CDH20: variants seen among roughly 807,000 people sequenced by gnomAD.
CDH20 encodes the protein cadherin-20.
CDH20 carries 29 observed loss-of-function variants against 74.2 expected under a neutral mutation model. That is an observed-to-expected ratio of 0.39 (90% CI 0.29 to 0.53). CDH20 has a LOEUF of 0.53. CDH20 is among the 20% of genes least tolerant of loss of function. The pLI, the probability that CDH20 is intolerant of heterozygous loss-of-function variation, is 0.69. For synonymous variants in CDH20, 469 were observed against 405.4 expected (o/e 1.16, Z -1.88); for missense variants, 988 against 1,048.3 (o/e 0.94, Z 0.79).
intron 1 of CDH20, among the ~76,000 whole-genome samples, chr18:61,472,419 A>C (rs1761580627): frequency 6.6e-6 from 1 of 152,048 alleles, no homozygotes; most frequent in South Asian, 2.1e-4. Context: ...TAATTTAAAG[A>C]CTAATCTGGA....
At chr18:61,490,861 T>G in intron 2 of CDH20, 62 bp downstream of exon 2, 4,432 of 1,221,572 alleles carry the variant, frequency 3.6e-3, no homozygotes, top group Non-Finnish European at 4.8e-3. Flanking sequence ...ATGAATTGAG[T>G]ATCAAAGTTG....
chr18:61,377,735 T>C (rs1911289507), intron 1 of CDH20, among the ~76,000 whole-genome samples: 1 of 152,062 alleles, frequency 6.6e-6, no homozygotes, highest in South Asian at 2.1e-4. Context: ...CATTCTATCA[T>C]GGGTTTCTTA....
intron 1 of CDH20, among the ~76,000 whole-genome samples, chr18:61,470,586 A>G (rs932660284): frequency 1.1e-4 from 16 of 152,098 alleles, no homozygotes; most frequent in Non-Finnish European, 2.1e-4. Flanking sequence ...TAACGGGAAA[A>G]AGAGACAAGA....
chr18:61,385,837 GGA>G (rs1911579578), intron 1 of CDH20, among the ~76,000 whole-genome samples: 1 of 151,736 alleles, frequency 6.6e-6, no homozygotes, highest in Admixed American at 6.6e-5. Context: ...GGCTGAGGCA[GGA>G]GAATCACTTG....
chr18:61,538,584 G>GTTTTTTT (rs1568182044), intron 8 of CDH20, among the ~76,000 whole-genome samples: 864 of 55,706 alleles, frequency 0.016, 174 homozygotes, highest in Non-Finnish European at 0.021. Flanking sequence ...ACTACTTTTT[G>GTTTTTTT]TTTGTTTGTT....
At chr18:61,336,389 C>G (rs574650134) in intron 1 of CDH20, among the ~76,000 whole-genome samples, 104 of 152,296 alleles carry the variant, frequency 6.8e-4, no homozygotes, top group African/African-American at 2.5e-3. Context: ...TTACCATCTC[C>G]AAGAGACTCA....
intron 1 of CDH20, among the ~76,000 whole-genome samples, chr18:61,390,522 C>T (rs1381190059): frequency 6.6e-6 from 1 of 151,970 alleles, no homozygotes; most frequent in Non-Finnish European, 1.5e-5. Flanking sequence ...TTAAAAATAA[C>T]CAGGAAGACT....
In CDH20 at chr18:61,555,181, G is replaced by T; in HGVS notation, c.*486G>T. On this transcript the variant is annotated 3_prime_UTR_variant, in exon 12 of 12. Transcript: ENST00000262717. ...ACCCACAAGAAAGAACAAAAAACTT[G>T]TTACTCAGTGAAATTAACCTACTTG... 1.0e-6 allele frequency: 1 copy of T among 983,584 alleles called. No individual in the cohort carries two copies. Among genetic ancestry groups the T allele is most frequent in the Non-Finnish European group, 1.2e-6 (1 of 831,498 alleles). 60.9% of individuals were successfully genotyped at this position (983,584 alleles called of 1,614,324 possible). A position where few individuals can be genotyped will look rare whatever the true frequency, so the allele number is the denominator to read the frequency against.
At chr18:61,387,441 G>T (rs554729275) in intron 1 of CDH20, among the ~76,000 whole-genome samples, 1 of 152,304 alleles carries the variant, frequency 6.6e-6, no homozygotes, top group South Asian at 2.1e-4. Context: ...CAGGAACTGT[G>T]AGAACCTACA....
chr18:61,337,133 T>C (rs1248714192), intron 1 of CDH20, among the ~76,000 whole-genome samples: 1 of 152,194 alleles, frequency 6.6e-6, no homozygotes, highest in Non-Finnish European at 1.5e-5. Flanking sequence ...AATAGAAAAG[T>C]AGCATTTATC....
chr18:61,373,051 A>G (rs552832602), intron 1 of CDH20, among the ~76,000 whole-genome samples: 1 of 152,238 alleles, frequency 6.6e-6, no homozygotes, highest in East Asian at 1.9e-4. Context: ...GCTCATGGTT[A>G]ACTGATGGTG....
chr18:61,510,980 C>CTTTTTTTTTTTTTT (rs112741210), intron 6 of CDH20, among the ~76,000 whole-genome samples: 18 of 135,972 alleles, frequency 1.3e-4, no homozygotes, highest in East Asian at 4.4e-4. Flanking sequence ...TTCTTTCTTT[C>CTTTTTTTTTTTTTT]TTTTTTTTTT....
intron 1 of CDH20, among the ~76,000 whole-genome samples, chr18:61,480,977 A>C (rs1411123657): frequency 6.6e-6 from 1 of 152,252 alleles, no homozygotes; most frequent in Non-Finnish European, 1.5e-5. Context: ...CAGACATTAA[A>C]ATCAGTATGG....
intron 1 of CDH20, among the ~76,000 whole-genome samples, chr18:61,342,988 A>G (rs1351738372): frequency 6.6e-6 from 1 of 152,154 alleles, no homozygotes; most frequent in Non-Finnish European, 1.5e-5. Context: ...CTTTGTACCA[A>G]CAAAAGCTGG....
chr18:61,334,552 G>A (rs1175452701), intron 1 of CDH20, among the ~76,000 whole-genome samples: 1 of 152,096 alleles, frequency 6.6e-6, no homozygotes, highest in Non-Finnish European at 1.5e-5. Context: ...GGGGGCAAGG[G>A]GGTCAAATGG....
At chr18:61,436,632 C>T (rs566041832) in intron 1 of CDH20, among the ~76,000 whole-genome samples, 5 of 152,208 alleles carry the variant, frequency 3.3e-5, no homozygotes, top group East Asian at 1.9e-4. Context: ...GAGTCATCAG[C>T]GTAATAATAT....
chr18:61,544,894 C>G (rs1913179469), intron 9 of CDH20, 133 bp from the exon 10 acceptor site: 1 of 670,070 alleles, frequency 1.5e-6, no homozygotes, highest in Non-Finnish European at 2.7e-6. Context: ...TTCCCTGCCC[C>G]TCTCCCATAC....
At position 61,333,678 on chromosome 18, in the gene CDH20, G is replaced by A. The variant is rs1909643394; in HGVS notation, c.-302G>A. Reference sequence around the variant, plus strand: ...TGACACTTCTGACAGAGGGGGTAGGGGGGTGGGGGGCGGGGACAGCGCCGC... The same window carrying A: ...TGACACTTCTGACAGAGGGGGTAGGAGGGTGGGGGGCGGGGACAGCGCCGC... On this transcript the variant is annotated 5_prime_UTR_variant, in exon 1 of 12. Transcript: ENST00000262717. 1.3e-5 allele frequency: 2 copies of A among 150,230 alleles called. No individual in the cohort carries two copies. Among genetic ancestry groups the A allele is most frequent in the Non-Finnish European group, 3.0e-5 (2 of 67,488 alleles). The allele number at this position is 150,230 out of a possible 1,614,324, so 9.3% of individuals were successfully genotyped here.
chr18:61,480,406 C>T (rs1910549673), intron 1 of CDH20, among the ~76,000 whole-genome samples: 1 of 152,124 alleles, frequency 6.6e-6, no homozygotes, highest in Non-Finnish European at 1.5e-5. Context: ...CAGGGCACAG[C>T]TTGATTTTAT....
Sources: allele counts gnomAD v4.1 joint callset (sites outside exome capture counted in the v4.1 genomes callset), GRCh38; gene constraint gnomAD v4.1.1; transcripts MANE v1.5; gene names NCBI Gene and HGNC (gene_info 2026-07-23, HGNC 2026-07-21).